The following SNX4 variants were observed in gnomAD, a reference collection of about 807,000 sequenced individuals.
The protein encoded by SNX4 is sorting nexin 4.
SNX4 carries 49 observed loss-of-function variants against 70.8 expected under a neutral mutation model. That is an observed-to-expected ratio of 0.69 (90% CI 0.55 to 0.88). SNX4 has a LOEUF of 0.88. Among genes scored for constraint, SNX4 ranks in the 40% least tolerant of loss-of-function variants. The pLI is 0.00. For synonymous variants in SNX4, 206 were observed against 183.8 expected, an observed-to-expected ratio of 1.12 and a Z score of -0.98; for missense variants, 528 against 544.8, an observed-to-expected ratio of 0.97 and a Z score of 0.31.
At chr3:125,519,926 G>T in intron 1 of SNX4, 106 bp downstream of exon 1, 1 of 1,106,792 alleles carries the variant, frequency 9.0e-7, no homozygotes, top group Non-Finnish European at 1.2e-6. Context: ...GGCCTCCTCG[G>T]CCGAGCCCAC....
rs1331979955 is a variant in SNX4 at position 125,453,907 on chromosome 3, G to A, written c.1093C>T (p.Gln365Ter). 6.2e-7 allele frequency: 1 copy of A among 1,613,742 alleles called. No individual in the cohort carries two copies. The highest frequency in any genetic ancestry group is 1.3e-5 in the African/African-American group (1 of 74,852). ...LKGMTTKLFG[Q>*]ETPEQREARI... ...GCTTCTCTCTGCTCTGGAGTTTCTT[G>A]ACCAAAGAGCTTGGTAGTCATTCCC... The change falls in exon 12 of 14, where the codon CAA (glutamine) becomes TAA (stop). Residue 365 changes from glutamine (Q) to a stop codon, truncating the protein, a stop_gained. Coordinates refer to ENST00000251775, the MANE Select transcript of SNX4 (RefSeq NM_003794.4). LOFTEE classifies it high-confidence loss of function.
Position 125,475,468 on chromosome 3 carries a change from G to T in SNX4, c.788+1227C>A, listed in dbSNP as rs567969713. ...CAACCTTCACTTCCTGGGTTCAAGC[G>T]ATTTTCCTGAGTCAGTCTCCTGAGT... On this transcript the variant is annotated intron_variant, in intron 8 of 13. Coordinates refer to ENST00000251775, the MANE Select transcript of SNX4 (RefSeq NM_003794.4). Among the ~76,000 whole-genome samples, 15 of 152,274 alleles carry T rather than the reference G, an allele frequency of 9.9e-5. 1 individual carries two copies. The highest frequency in any genetic ancestry group is 3.4e-4 in the African/African-American group (14 of 41,562).
Position 125,506,507 on chromosome 3 carries a change from AT to A in SNX4, c.142-1764del, listed in dbSNP as rs554917775. On this transcript the variant is annotated intron_variant, in intron 1 of 13. Transcript: ENST00000251775. Reference sequence around the variant, plus strand: ...AGGCTTGTGCCACCATACCAGGCTAATTTTTTTTTTTTTTTTTCTGAGACAG... The same window carrying A: ...AGGCTTGTGCCACCATACCAGGCTAATTTTTTTTTTTTTTTTCTGAGACAG... 1.9e-3 allele frequency among the ~76,000 whole-genome samples: 251 copies of A among 134,674 alleles called. 1 individual carries two copies. The Middle Eastern group carries it at 0.027, about 15-fold the overall frequency. 88.4% of individuals were successfully genotyped at this position (134,674 alleles called of 152,430 possible). A position where few individuals can be genotyped will look rare whatever the true frequency, so the allele number is the denominator to read the frequency against.
intron 1 of SNX4, among the ~76,000 whole-genome samples, chr3:125,513,064 T>C (rs531818325): frequency 2.6e-5 from 4 of 152,348 alleles, no homozygotes; most frequent in South Asian, 2.1e-4. Context: ...AATGGAATGT[T>C]TGTGTCCTCC....
chr3:125,516,058 T>C (rs1268886000), intron 1 of SNX4, among the ~76,000 whole-genome samples: 2 of 152,200 alleles, frequency 1.3e-5, no homozygotes, highest in African/African-American at 4.8e-5. Context: ...TCAGTGAAGG[T>C]AGTCAATGTG....
rs1216694959 is a variant in SNX4, at chr3:125,457,691, C to T, written c.945-326G>A. On this transcript the variant is annotated intron_variant, in intron 10 of 13. Coordinates refer to ENST00000251775, the MANE Select transcript of SNX4 (RefSeq NM_003794.4). ...CTCCCGGGTTCAAATGATTCTCCTG[C>T]CTCAGCTTCCCTAGTAGATGGGATT... Among the ~76,000 whole-genome samples the T allele has an allele frequency of 4.6e-5, 7 of 150,782 alleles. No individual in the cohort carries two copies. The Admixed American group carries it at 4.7e-4, about 10-fold the overall frequency.
intron 1 of SNX4, among the ~76,000 whole-genome samples, chr3:125,515,753 T>C (rs1935264528): frequency 6.6e-6 from 1 of 151,878 alleles, no homozygotes; most frequent in Non-Finnish European, 1.5e-5. Flanking sequence ...AAATGGTTTT[T>C]AAAAGTTCTT....
intron 2 of SNX4, among the ~76,000 whole-genome samples, 155 bp from the exon 3 acceptor site, chr3:125,498,349 T>C (rs1019676885): frequency 3.3e-5 from 5 of 152,142 alleles, no homozygotes; most frequent in African/African-American, 1.2e-4. Context: ...CAAGACAGGG[T>C]CCCACTGTCG....
intron 9 of SNX4, among the ~76,000 whole-genome samples, chr3:125,462,608 A>G (rs904234215): frequency 6.6e-6 from 1 of 151,512 alleles, no homozygotes; most frequent in Non-Finnish European, 1.5e-5. Flanking sequence ...AAAAAAAAAA[A>G]AAAAAAAAGA....
In SNX4 at chr3:125,495,277, T is replaced by TATATATATATATATATATATATATATAC; in HGVS notation, c.597+2063_597+2064insGTATATATATATATATATATATATATAT. ...ATATATATATATATATATATATATA[T>TATATATATATATATATATATATATATAC]ACACATACACACACACACACGTATG... On this transcript the variant is annotated intron_variant, in intron 5 of 13. Transcript: ENST00000251775. Among the ~76,000 whole-genome samples the TATATATATATATATATATATATATATAC allele has an allele frequency of 4.6e-4, 46 of 99,580 alleles. 1 individual carries two copies. Among genetic ancestry groups the TATATATATATATATATATATATATATAC allele is most frequent in the East Asian group, 2.6e-3 (7 of 2,654 alleles). The allele number at this position is 99,580 out of a possible 152,430, so 65.3% of individuals were successfully genotyped here. A position where few individuals can be genotyped will look rare whatever the true frequency, so the allele number is the denominator to read the frequency against.
At position 125,469,514 on chromosome 3, in the gene SNX4, C is replaced by T. The variant is rs1230635432; in HGVS notation, c.794G>A (p.Trp265Ter). Residue 265 changes from tryptophan to a stop codon, truncating the protein, a stop_gained, in exon 9 of 14, where the codon TGG becomes TAG. Coordinates refer to ENST00000251775, the MANE Select transcript of SNX4 (RefSeq NM_003794.4). LOFTEE classifies it high-confidence loss of function. ...HGNYGRVFSE[W>*]SAIEKEMGDG... The stretch of plus-strand genomic sequence containing the variant: ...ACCCATTTCTTTTTCTATGGCACTC[C>T]ATTCACTAGGGAGTAAAAGATAAAA... The T allele has an allele frequency of 1.9e-6, 3 of 1,611,352 alleles. No individual in the cohort carries two copies. In the South Asian group the frequency reaches 3.3e-5, roughly 18 times the overall value.
chr3:125,513,108 G>C (rs916889874), intron 1 of SNX4, among the ~76,000 whole-genome samples: 1 of 152,182 alleles, frequency 6.6e-6, no homozygotes, highest in Non-Finnish European at 1.5e-5. Context: ...AACACTCAAG[G>C]TGATGGTATT....
At chr3:125,463,980 G>A (rs989795903) in intron 9 of SNX4, among the ~76,000 whole-genome samples, 3 of 152,062 alleles carry the variant, frequency 2.0e-5, no homozygotes, top group African/African-American at 7.2e-5. Flanking sequence ...AGGCTATGAC[G>A]GTGGATTACT....
chr3:125,500,284 GAATT>G (rs901041796), intron 2 of SNX4, among the ~76,000 whole-genome samples: 17 of 151,940 alleles, frequency 1.1e-4, no homozygotes, highest in Non-Finnish European at 2.2e-4. Flanking sequence ...CAAATTAAAA[GAATT>G]AATAACATAC....
rs1935315897 is a variant in SNX4, at chr3:125,517,875, C to T, written c.141+2157G>A. On this transcript the variant is annotated intron_variant, in intron 1 of 13. Transcript: ENST00000251775. ...CCTGTAATCCCAGCTACTCAGGAGGCTGAGGCATGAGAATCGCTTGAGCCT... is the reference window on the plus strand; with the variant it reads ...CCTGTAATCCCAGCTACTCAGGAGGTTGAGGCATGAGAATCGCTTGAGCCT... Among the ~76,000 whole-genome samples, 2 of 152,078 alleles carry T rather than the reference C, an allele frequency of 1.3e-5. 1 individual carries two copies. The highest frequency in any genetic ancestry group is 4.1e-4 in the South Asian group (2 of 4,830).
chr3:125,515,534 G>A (rs2333225), intron 1 of SNX4, among the ~76,000 whole-genome samples: 82,099 of 150,352 alleles, frequency 0.55, 24,111 homozygotes, highest in African/African-American at 0.78. Flanking sequence ...GTATTGTGGT[G>A]TATGCCTGTA....
intron 10 of SNX4, among the ~76,000 whole-genome samples, chr3:125,457,932 A>C (rs1278520487): frequency 6.6e-6 from 1 of 152,054 alleles, no homozygotes; most frequent in Non-Finnish European, 1.5e-5. Flanking sequence ...TACTTGGAAC[A>C]TTTCTTTCAA....
rs140620312 is a variant in SNX4 at position 125,461,819 on chromosome 3, G to A, written c.855-959C>T. ...TGGGACTACAGGTGCCTGTCACCAC[G>A]CCCAGTTAATTTTTTGTATTTTTAG... On this transcript the variant is annotated intron_variant, in intron 9 of 13. Coordinates refer to ENST00000251775, the MANE Select transcript of SNX4 (RefSeq NM_003794.4). Among the ~76,000 whole-genome samples, 255 of 151,404 alleles carry A rather than the reference G, an allele frequency of 1.7e-3. 1 individual carries two copies. Among genetic ancestry groups the A allele is most frequent in the Admixed American group, 8.3e-3 (127 of 15,236 alleles).
At chr3:125,487,950 C>G (rs1024200742) in intron 6 of SNX4, among the ~76,000 whole-genome samples, 2 of 151,846 alleles carry the variant, frequency 1.3e-5, no homozygotes, top group African/African-American at 2.4e-5. Context: ...AGTGTGAACC[C>G]TAACATAAAT....
Sources: gnomAD v4.1 joint callset for allele counts (sites outside exome capture counted in the v4.1 genomes callset) on GRCh38, gnomAD v4.1.1 for gene constraint, MANE v1.5 for transcripts, NCBI Gene and HGNC (gene_info 2026-07-23, HGNC 2026-07-21) for gene names.